The following UGT1A10 variants were observed in gnomAD, a reference collection of about 807,000 sequenced individuals.
UGT1A10 encodes UDP-glucuronosyltransferase 1A10.
UGT1A10 carries 49 observed loss-of-function variants against 45.8 expected under a neutral mutation model. The ratio of observed to expected loss-of-function variants is 1.07; its 90% CI spans 0.85 to 1.36. The LOEUF (loss-of-function observed/expected upper bound fraction) is 1.36. UGT1A10 is among the 40% of genes most tolerant of loss of function. The probability of loss-of-function intolerance (pLI) is 0.00; values close to 1 mark genes in which losing one functional copy is unlikely to be tolerated. For missense variants in UGT1A10, 745 were observed against 668.6 expected (o/e 1.11, Z -1.26); for synonymous variants, 284 against 249.7 (o/e 1.14, Z -1.29).
intron 1 of UGT1A10, among the ~76,000 whole-genome samples, chr2:233,638,629 CCAGATGAAA>C: frequency 6.6e-6 from 1 of 152,078 alleles, no homozygotes; most frequent in Non-Finnish European, 1.5e-5. Flanking sequence ...GTTGCTAAAT[CCAGATGAAA>C]CACCTGGTGT....
intron 1 of UGT1A10, among the ~76,000 whole-genome samples, chr2:233,647,233 A>G (rs954789315): frequency 6.6e-6 from 1 of 152,212 alleles, no homozygotes; most frequent in African/African-American, 2.4e-5. Flanking sequence ...GGGAGTTCCA[A>G]TTCAAGATGA....
At chr2:233,714,401 A>T (rs748552195) in intron 1 of UGT1A10, among the ~76,000 whole-genome samples, 14 of 152,172 alleles carry the variant, frequency 9.2e-5, no homozygotes, top group Non-Finnish European at 1.9e-4. Flanking sequence ...TGTAGGTGCA[A>T]TGGATGTCTG....
intron 1 of UGT1A10, among the ~76,000 whole-genome samples, chr2:233,749,052 C>A (rs1694096242): frequency 6.6e-6 from 1 of 151,690 alleles, no homozygotes; most frequent in Admixed American, 6.6e-5. Flanking sequence ...TACTCTGGGA[C>A]CTGAATATTG....
chr2:233,704,870 A>G (rs2075810941), intron 1 of UGT1A10, among the ~76,000 whole-genome samples: 1 of 152,098 alleles, frequency 6.6e-6, no homozygotes, highest in Admixed American at 6.5e-5. Flanking sequence ...ACGGTGGCTC[A>G]CTCCTGTAAT....
At chr2:233,713,162 G>GGTGGT (rs776401165) in intron 1 of UGT1A10, 1 of 1,614,256 alleles carries the variant, frequency 6.2e-7, no homozygotes, top group Non-Finnish European at 8.5e-7. Flanking sequence ...GAGGCCACCA[G>GGTGGT]GTGGTGGTCC....
intron 1 of UGT1A10, among the ~76,000 whole-genome samples, chr2:233,735,339 T>TG (rs1286077352): frequency 6.6e-6 from 1 of 151,862 alleles, no homozygotes; most frequent in African/African-American, 2.4e-5. Flanking sequence ...AACCCCTGCT[T>TG]TTTTTTTGCT....
At chr2:233,767,212 G>T (rs377453564) in intron 2 of UGT1A10, 47 bp downstream of exon 2, 3 of 1,612,180 alleles carry the variant, frequency 1.9e-6, no homozygotes, top group Admixed American at 3.3e-5. Flanking sequence ...TCACAGGAGC[G>T]CTAATCCCAG....
chr2:233,754,059 A>G (rs973727066), intron 1 of UGT1A10, among the ~76,000 whole-genome samples: 4 of 152,238 alleles, frequency 2.6e-5, no homozygotes, highest in Admixed American at 1.3e-4. Context: ...ACCTGCTTTT[A>G]TAAAGCCTGG....
chr2:233,734,126 AG>A (rs1325771247), intron 1 of UGT1A10, among the ~76,000 whole-genome samples: 3 of 151,608 alleles, frequency 2.0e-5, no homozygotes, highest in Non-Finnish European at 4.4e-5. Context: ...AATAATAAAA[AG>A]AATTTGGCTG....
At chr2:233,663,834 C>A (rs1326338997) in intron 1 of UGT1A10, among the ~76,000 whole-genome samples, 1 of 152,168 alleles carries the variant, frequency 6.6e-6, no homozygotes, top group African/African-American at 2.4e-5. Context: ...CATAATTTTG[C>A]AAAGGCGGTT....
chr2:233,765,512 A>T (rs1230847041), intron 1 of UGT1A10, among the ~76,000 whole-genome samples: 5 of 152,144 alleles, frequency 3.3e-5, no homozygotes, highest in African/African-American at 1.2e-4. Flanking sequence ...AGGAACAGAA[A>T]ATCAAACACC....
intron 1 of UGT1A10, among the ~76,000 whole-genome samples, chr2:233,694,400 T>C (rs557019872): frequency 6.6e-6 from 1 of 152,256 alleles, no homozygotes; most frequent in Non-Finnish European, 1.5e-5. Context: ...ATGAAGAATA[T>C]GTGCCACAGA....
intron 1 of UGT1A10, among the ~76,000 whole-genome samples, chr2:233,710,654 A>G (rs1019279657): frequency 1.3e-5 from 2 of 152,188 alleles, no homozygotes; most frequent in African/African-American, 4.8e-5. Flanking sequence ...TCTGGATACA[A>G]GTGCTATGTC....
Position 233,745,112 on chromosome 2 carries a change from G to A in UGT1A10, c.856-21922G>A, listed in dbSNP as rs1457181143. Among the ~76,000 whole-genome samples the A allele has an allele frequency of 3.3e-5, 5 of 151,730 alleles. No individual in the cohort carries two copies. In the South Asian group the frequency reaches 8.3e-4, roughly 25 times the overall value. On this transcript the variant is annotated intron_variant, in intron 1 of 4. Coordinates refer to ENST00000344644, the MANE Select transcript of UGT1A10 (RefSeq NM_019075.4). ...TCCCCCCAAATATTTTTAATCTGCT[G>A]TTGGCTGAATCTGCAGATGTGAAGC...
chr2:233,744,019 G>T, intron 1 of UGT1A10: 1 of 997,712 alleles, frequency 1.0e-6, no homozygotes. Flanking sequence ...GCCGCCTGGA[G>T]AGACGCCCCT....
At position 233,772,766 on chromosome 2, in the gene UGT1A10, C is replaced by T. The variant is rs910513508; in HGVS notation, c.*207C>T. 4 of 1,374,588 alleles carry T rather than the reference C, an allele frequency of 2.9e-6. No individual in the cohort carries two copies. Among genetic ancestry groups the T allele is most frequent in the Non-Finnish European group, 3.8e-6 (4 of 1,047,350 alleles). 85.1% of individuals were successfully genotyped at this position (1,374,588 alleles called of 1,614,324 possible). ...AGATATTTGAATATGTATCGTGCCC[C>T]CTCTGGTGTCTTTGATCAGGATGAC... On this transcript the variant is annotated 3_prime_UTR_variant, in exon 5 of 5. Transcript: ENST00000344644.
chr2:233,739,386 C>A (rs1247379490), intron 1 of UGT1A10, among the ~76,000 whole-genome samples: 2 of 152,188 alleles, frequency 1.3e-5, no homozygotes, highest in East Asian at 3.9e-4. Flanking sequence ...CCTGGAAGAG[C>A]CACAGACATC....
chr2:233,755,408 A>G (rs886813938), intron 1 of UGT1A10: 6 of 332,530 alleles, frequency 1.8e-5, no homozygotes, highest in Non-Finnish European at 2.9e-5. Flanking sequence ...TCATTGGCCG[A>G]GGCCTGTGAG....
In UGT1A10 at chr2:233,700,061, GGT is replaced by G. The variant is rs1575467362; in HGVS notation, c.855+62687_855+62688del. On this transcript the variant is annotated intron_variant, in intron 1 of 4. Transcript: ENST00000344644. ...TAAATCAATTCCAAGTGAATCCAGT[GGT>G]GTCTACCCAGCAAGGCCCCCAGCCT... is the stretch of plus-strand genomic sequence containing the variant. Among the ~76,000 whole-genome samples the G allele has an allele frequency of 2.0e-5, 3 of 152,318 alleles. No homozygotes were observed. The East Asian group carries it at 5.8e-4, about 29-fold the overall frequency.
Sources: allele counts gnomAD v4.1 joint callset (sites outside exome capture counted in the v4.1 genomes callset), GRCh38; gene constraint gnomAD v4.1.1; transcripts MANE v1.5; gene names NCBI Gene and HGNC (gene_info 2026-07-23, HGNC 2026-07-21).